CDH12: variants seen among roughly 807,000 people sequenced by gnomAD.
CDH12 encodes the protein cadherin-12.
CDH12 carries 41 observed loss-of-function variants against 74.1 expected under a neutral mutation model. That is an observed-to-expected ratio of 0.55 (90% confidence interval 0.43 to 0.72). The LOEUF (loss-of-function observed/expected upper bound fraction) is 0.72. Among genes scored for constraint, CDH12 ranks in the 30% least tolerant of loss-of-function variants. CDH12 has a pLI of 0.00. For missense variants in CDH12, 945 were observed against 977.2 expected (o/e 0.97, Z 0.44); for synonymous variants, 399 against 355.0 (o/e 1.12, Z -1.39).
intron 1 of CDH12, among the ~76,000 whole-genome samples, chr5:22,815,879 A>C (rs1296412574): frequency 6.6e-6 from 1 of 152,036 alleles, no homozygotes; most frequent in Admixed American, 6.6e-5. Context: ...TACTTGAAAG[A>C]GAAAGAAGAA....
chr5:22,495,150 T>C (rs1040039194), intron 2 of CDH12, among the ~76,000 whole-genome samples: 2 of 152,166 alleles, frequency 1.3e-5, no homozygotes, highest in African/African-American at 4.8e-5. Context: ...AACATGTGCT[T>C]AGATGGCAGG....
intron 2 of CDH12, among the ~76,000 whole-genome samples, chr5:22,478,290 C>G (rs1053715748): frequency 1.3e-5 from 2 of 151,450 alleles, no homozygotes; most frequent in African/African-American, 4.8e-5. Flanking sequence ...AGGTGGCGGG[C>G]GCCTGTAGTC....
intron 1 of CDH12, among the ~76,000 whole-genome samples, chr5:22,509,677 A>C (rs1011567100): frequency 3.3e-5 from 5 of 152,296 alleles, no homozygotes; most frequent in Admixed American, 2.0e-4. Flanking sequence ...TTGTAGAATG[A>C]GTAGTCCCAT....
intron 5 of CDH12, among the ~76,000 whole-genome samples, chr5:22,062,488 A>G (rs1054517745): frequency 6.6e-6 from 1 of 152,184 alleles, no homozygotes; most frequent in African/African-American, 2.4e-5. Flanking sequence ...ATGCACTTAG[A>G]CAATAGGCTT....
intron 14 of CDH12, among the ~76,000 whole-genome samples, chr5:21,755,044 A>AGAATTACTTAT (rs1744308274): frequency 6.6e-6 from 1 of 152,220 alleles, no homozygotes; most frequent in African/African-American, 2.4e-5. Flanking sequence ...AGAAAGTGGA[A>AGAATTACTTAT]GAATTACTTA....
At chr5:21,887,020 A>G (rs1752668235) in intron 6 of CDH12, among the ~76,000 whole-genome samples, 1 of 152,094 alleles carries the variant, frequency 6.6e-6, no homozygotes, top group South Asian at 2.1e-4. Context: ...TTGTGATATG[A>G]CAGTATCAGT....
At chr5:22,243,760 ACACT>A (rs1199886145) in intron 3 of CDH12, among the ~76,000 whole-genome samples, 9 of 152,166 alleles carry the variant, frequency 5.9e-5, no homozygotes, top group Admixed American at 5.9e-4. Context: ...CGAAATCCTG[ACACT>A]CACAATGTGT....
intron 2 of CDH12, among the ~76,000 whole-genome samples, chr5:22,473,088 G>T: frequency 6.6e-6 from 1 of 152,006 alleles, no homozygotes; most frequent in East Asian, 1.9e-4. Context: ...TGAGCTTTGG[G>T]CATTCCATGA....
At chr5:22,810,295 C>A (rs893004987) in intron 1 of CDH12, among the ~76,000 whole-genome samples, 1 of 152,078 alleles carries the variant, frequency 6.6e-6, no homozygotes, top group East Asian at 1.9e-4. Flanking sequence ...TCTGAGTATG[C>A]GTAAGTGGAT....
intron 5 of CDH12, among the ~76,000 whole-genome samples, chr5:22,012,377 A>G (rs1737353150): frequency 6.6e-6 from 1 of 152,162 alleles, no homozygotes; most frequent in African/African-American, 2.4e-5. Flanking sequence ...TGTGATATGA[A>G]AGAGAAAAAT....
At chr5:22,011,913 A>T (rs1737319108) in intron 5 of CDH12, among the ~76,000 whole-genome samples, 1 of 151,830 alleles carries the variant, frequency 6.6e-6, no homozygotes, top group South Asian at 2.1e-4. Flanking sequence ...GGGATTGGAA[A>T]ACAAAGCTGT....
intron 3 of CDH12, among the ~76,000 whole-genome samples, chr5:22,315,142 T>TTTTTTTTTTTTTTG (rs1738574834): frequency 7.3e-6 from 1 of 136,364 alleles, no homozygotes; most frequent in Non-Finnish European, 1.6e-5. Flanking sequence ...TTTTTTTTTT[T>TTTTTTTTTTTTTTG]TAGTAGAGAC....
In CDH12 at chr5:22,791,668, T is replaced by A. The variant is rs560933031; in HGVS notation, c.-523+61390A>T. On this transcript the variant is annotated intron_variant, in intron 1 of 14. Transcript: ENST00000382254. ...AAAGGATTTAATTGAATCACAGTTCTAAATGACTGGGGAGGCCTCAGGAAA... is the reference window on the plus strand; with the variant it reads ...AAAGGATTTAATTGAATCACAGTTCAAAATGACTGGGGAGGCCTCAGGAAA... Among the ~76,000 whole-genome samples the A allele has an allele frequency of 4.0e-4, 61 of 152,310 alleles. 1 individual carries two copies. The highest frequency in any genetic ancestry group is 1.3e-3 in the African/African-American group (54 of 41,574).
intron 1 of CDH12, among the ~76,000 whole-genome samples, chr5:22,707,087 T>C (rs2126968327): frequency 6.6e-6 from 1 of 152,274 alleles, no homozygotes; most frequent in Admixed American, 6.6e-5. Context: ...GGATGCACCA[T>C]TGTGAACTGG....
intron 1 of CDH12, among the ~76,000 whole-genome samples, chr5:22,674,220 G>A (rs143633823): frequency 9.3e-4 from 142 of 152,276 alleles, no homozygotes; most frequent in Admixed American, 1.6e-3. Context: ...TTCTGATGTT[G>A]TGGGAGGGAT....
At chr5:21,994,665 ACT>A (rs1381894417) in intron 5 of CDH12, among the ~76,000 whole-genome samples, 4 of 152,068 alleles carry the variant, frequency 2.6e-5, no homozygotes, top group African/African-American at 7.2e-5. Context: ...GTTGGAAACA[ACT>A]CTGTTTCTTC....
chr5:21,801,049 G>A (rs1448339719), intron 10 of CDH12, among the ~76,000 whole-genome samples: 3 of 152,138 alleles, frequency 2.0e-5, no homozygotes, highest in Non-Finnish European at 2.9e-5. Context: ...ATGTGTTAAT[G>A]GATGGTAGCA....
intron 1 of CDH12, among the ~76,000 whole-genome samples, chr5:22,714,569 G>A (rs1443792716): frequency 6.6e-6 from 1 of 152,100 alleles, no homozygotes. Flanking sequence ...TGGATAGAAG[G>A]GGGAAAAGAA....
intron 5 of CDH12, among the ~76,000 whole-genome samples, chr5:22,007,160 G>A (rs916381322): frequency 6.6e-6 from 1 of 152,038 alleles, no homozygotes; most frequent in African/African-American, 2.4e-5. Flanking sequence ...CACTATATAA[G>A]GAAACCAATA....
Sources: gnomAD v4.1 joint callset for allele counts (sites outside exome capture counted in the v4.1 genomes callset) on GRCh38, gnomAD v4.1.1 for gene constraint, MANE v1.5 for transcripts, NCBI Gene and HGNC (gene_info 2026-07-23, HGNC 2026-07-21) for gene names.